The following CSNK1A1 variants were observed in gnomAD, a reference collection of about 807,000 sequenced individuals.
CSNK1A1 encodes casein kinase 1 alpha 1.
Under a neutral mutation model 46.1 loss-of-function variants are expected in CSNK1A1, and 7 were observed. That is an observed-to-expected ratio of 0.15 (90% CI 0.09 to 0.29). CSNK1A1 has a LOEUF of 0.29. Ranked by LOEUF, CSNK1A1 falls within the 10% of genes least tolerant of loss-of-function variation. The probability of loss-of-function intolerance (pLI) is 1.00; values close to 1 mark genes in which losing one functional copy is unlikely to be tolerated. For synonymous variants in CSNK1A1, 137 were observed against 141.5 expected, an observed-to-expected ratio of 0.97 and a Z score of 0.23; for missense variants, 96 against 417.1, an observed-to-expected ratio of 0.23 and a Z score of 6.71.
At chr5:149,543,194 G>A (rs1023426134) in intron 2 of CSNK1A1, among the ~76,000 whole-genome samples, 2 of 152,132 alleles carry the variant, frequency 1.3e-5, no homozygotes, top group Admixed American at 6.6e-5. Context: ...CAAATGAAAC[G>A]ATGTGGAGTG....
At chr5:149,544,049 T>A (rs1166832887) in intron 2 of CSNK1A1, among the ~76,000 whole-genome samples, 3 of 152,182 alleles carry the variant, frequency 2.0e-5, no homozygotes, top group Admixed American at 1.3e-4. Context: ...TAAAAGTCCT[T>A]AGGATCAATG....
intron 2 of CSNK1A1, chr5:149,549,332 G>C: frequency 1.6e-6 from 1 of 609,874 alleles, no homozygotes; most frequent in Non-Finnish European, 3.0e-6. Context: ...CGAAAAGAAA[G>C]AGTAATTAAC....
At chr5:149,549,578 G>A in intron 2 of CSNK1A1, 4 of 684,376 alleles carry the variant, frequency 5.8e-6, no homozygotes, top group Non-Finnish European at 1.1e-5. Context: ...GGAATATGGG[G>A]TTGAGTCACG....
chr5:149,497,454 G>C, intron 9 of CSNK1A1: 1 of 985,966 alleles, frequency 1.0e-6, no homozygotes, highest in Non-Finnish European at 1.2e-6. Flanking sequence ...GTAAGCAAGT[G>C]ATGCTTTTTT....
intron 2 of CSNK1A1, among the ~76,000 whole-genome samples, chr5:149,539,819 T>A (rs904465538): frequency 1.3e-5 from 2 of 152,070 alleles, no homozygotes; most frequent in African/African-American, 4.8e-5. Context: ...AAATCACACA[T>A]CAGCTGTGTG....
intron 2 of CSNK1A1, among the ~76,000 whole-genome samples, chr5:149,536,197 C>T (rs539724844): frequency 1.3e-5 from 2 of 152,290 alleles, no homozygotes; most frequent in South Asian, 4.2e-4. Context: ...AGGTGATTCG[C>T]CCACCTCGGC....
At chr5:149,508,809 C>G (rs778574274) in intron 7 of CSNK1A1, among the ~76,000 whole-genome samples, 1 of 152,194 alleles carries the variant, frequency 6.6e-6, no homozygotes, top group Non-Finnish European at 1.5e-5. Flanking sequence ...AAAATGTTTA[C>G]CTGCCCTGTT....
Position 149,550,083 on chromosome 5 carries a change from G to C in CSNK1A1, c.222C>G (p.Pro74=), listed in dbSNP as rs1160358792. ...ATGCACCGGGTTCTTACCGTATGTG[G>C]GGGATGCCAACCCCACCTTGAAGAA... ...YKILQGGVGI[P]HIRWYGQEKD... The change falls in exon 2 of 10, where the codon CCC becomes CCG. Residue 74 remains proline, a synonymous_variant. Transcript: ENST00000377843. This position sits in a 1 kb window ranked among gnomAD's most constrained non-coding sequence, Gnocchi z 4.3. 1.2e-6 allele frequency: 2 copies of C among 1,613,228 alleles called. No individual in the cohort carries two copies. The highest frequency in any genetic ancestry group is 2.7e-5 in the African/African-American group (2 of 74,848).
intron 2 of CSNK1A1, among the ~76,000 whole-genome samples, chr5:149,542,666 A>G (rs1366785533): frequency 5.3e-4 from 4 of 7,576 alleles, no homozygotes; most frequent in South Asian, 0.011. Flanking sequence ...ATATATATAT[A>G]TATATGTATA....
intron 2 of CSNK1A1, among the ~76,000 whole-genome samples, chr5:149,528,765 G>GT (rs1761796618): frequency 6.6e-6 from 1 of 152,132 alleles, no homozygotes; most frequent in South Asian, 2.1e-4. Flanking sequence ...CTCATCTACT[G>GT]TAACTTTGGT....
At chr5:149,537,619 C>T (rs1038887367) in intron 2 of CSNK1A1, among the ~76,000 whole-genome samples, 1 of 151,508 alleles carries the variant, frequency 6.6e-6, no homozygotes, top group Non-Finnish European at 1.5e-5. Flanking sequence ...AAAAAAATAA[C>T]TCTTGGTCCC....
Position 149,525,289 on chromosome 5 carries a change from C to T in CSNK1A1, c.231-118G>A. ...AGGTATTATATAAGGCGAATGTTCC[C>T]CTACTCAGAAGACAAACCCACTAAT... On this transcript the variant is annotated intron_variant, in intron 2 of 9. Transcript: ENST00000377843. This position sits in a 1 kb window ranked among gnomAD's most constrained non-coding sequence, Gnocchi z 4.2. 9.4e-7 allele frequency: 1 copy of T among 1,066,336 alleles called. No individual in the cohort carries two copies. The highest frequency in any genetic ancestry group is 1.3e-6 in the Non-Finnish European group (1 of 780,918). 66.1% of individuals were successfully genotyped at this position (1,066,336 alleles called of 1,614,324 possible). A position where few individuals can be genotyped will look rare whatever the true frequency, so the allele number is the denominator to read the frequency against.
At chr5:149,531,707 AC>A (rs766908848) in intron 2 of CSNK1A1, among the ~76,000 whole-genome samples, 9 of 85,378 alleles carry the variant, frequency 1.1e-4, no homozygotes, top group South Asian at 5.4e-4. Context: ...AAAAAAAAAA[AC>A]AAAAAACAAA....
At chr5:149,510,738 CA>C (rs987217594) in intron 6 of CSNK1A1, among the ~76,000 whole-genome samples, 2 of 152,040 alleles carry the variant, frequency 1.3e-5, no homozygotes, top group Non-Finnish European at 2.9e-5. Flanking sequence ...CTGGGCCTCC[CA>C]AAGTGTTGAA....
chr5:149,546,927 T>C (rs901541696), intron 2 of CSNK1A1, among the ~76,000 whole-genome samples: 1 of 152,180 alleles, frequency 6.6e-6, no homozygotes, highest in Non-Finnish European at 1.5e-5. Context: ...AAATAAAGAA[T>C]GTTTACATAA....
At chr5:149,498,844 G>T (rs1014437431) in intron 9 of CSNK1A1, 93 of 985,182 alleles carry the variant, frequency 9.4e-5, no homozygotes, top group Middle Eastern at 1.0e-3. Context: ...CAAAATACAA[G>T]GAAACTCTTG....
chr5:149,547,003 C>T (rs967822335), intron 2 of CSNK1A1, among the ~76,000 whole-genome samples: 3 of 152,036 alleles, frequency 2.0e-5, no homozygotes, highest in Admixed American at 6.6e-5. Context: ...AACCAATGAA[C>T]CACTTTTGTT....
chr5:149,541,749 G>A (rs577163477), intron 2 of CSNK1A1, among the ~76,000 whole-genome samples: 1 of 152,114 alleles, frequency 6.6e-6, no homozygotes, highest in South Asian at 2.1e-4. Flanking sequence ...GCCGAGGCAG[G>A]TGGATCACTT....
rs1485220750 is a variant in CSNK1A1, at chr5:149,542,590, ATT to A, written c.230+7483_230+7484del. 0.027 allele frequency among the ~76,000 whole-genome samples: 1,155 copies of A among 43,490 alleles called. 217 individuals carry two copies. The East Asian group carries it at 0.44, about 17-fold the overall frequency. The allele number at this position is 43,490 out of a possible 152,430, so 28.5% of individuals were successfully genotyped here. A position where few individuals can be genotyped will look rare whatever the true frequency, so the allele number is the denominator to read the frequency against. On this transcript the variant is annotated intron_variant, in intron 2 of 9. Transcript: ENST00000377843. Reference sequence around the variant, plus strand: ...GCATTTACTCCGAAATGAGATACAAATTTATATATATATATATATATATATAT... The same window carrying A: ...GCATTTACTCCGAAATGAGATACAAATATATATATATATATATATATATAT...
Sources: allele counts gnomAD v4.1 joint callset (sites outside exome capture counted in the v4.1 genomes callset), GRCh38; gene constraint gnomAD v4.1.1; non-coding constraint Gnocchi (gnomAD v3.1); transcripts MANE v1.5; gene names NCBI Gene and HGNC (gene_info 2026-07-23, HGNC 2026-07-21).